TTLL11: variants seen among roughly 807,000 people sequenced by gnomAD.
The protein encoded by TTLL11 is tubulin tyrosine ligase like 11, also known as tubulin polyglutamylase TTLL11.
In TTLL11, 42 loss-of-function variants were observed where a neutral mutation model predicts 51.7. The ratio of observed to expected loss-of-function variants is 0.81; its 90% CI spans 0.64 to 1.05. The LOEUF is 1.05. Among genes scored for constraint, TTLL11 ranks in the 50% least tolerant of loss-of-function variants. TTLL11 has a pLI of 0.00. For missense variants in TTLL11, 799 were observed against 940.4 expected, an observed-to-expected ratio of 0.85 and a Z score of 1.97; for synonymous variants, 381 against 383.5, an observed-to-expected ratio of 0.99 and a Z score of 0.08.
At chr9:122,032,560 G>A (rs1452529474) in intron 2 of TTLL11, among the ~76,000 whole-genome samples, 4 of 151,608 alleles carry the variant, frequency 2.6e-5, no homozygotes, top group African/African-American at 4.8e-5. Context: ...AAGAATGGTG[G>A]GGGTGTGAAC....
At chr9:121,826,563 A>ATATATATATATATGTG (rs1836809312) in intron 8 of TTLL11, among the ~76,000 whole-genome samples, 1 of 107,660 alleles carries the variant, frequency 9.3e-6, no homozygotes, top group Non-Finnish European at 1.8e-5. Context: ...GTGTGTATAT[A>ATATATATATATATGTG]TATATATATA....
intron 3 of TTLL11, among the ~76,000 whole-genome samples, chr9:122,027,947 T>C (rs1049729750): frequency 6.6e-6 from 1 of 152,228 alleles, no homozygotes; most frequent in Non-Finnish European, 1.5e-5. Flanking sequence ...GTGTGGTTTA[T>C]AATATTGTTA....
chr9:122,077,118 C>A (rs1184476308), intron 1 of TTLL11, among the ~76,000 whole-genome samples: 1 of 151,892 alleles, frequency 6.6e-6, no homozygotes, highest in Non-Finnish European at 1.5e-5. Context: ...TAATTTTGGA[C>A]AAATAAAAAC....
At chr9:122,053,875 G>A (rs1461969867) in intron 1 of TTLL11, among the ~76,000 whole-genome samples, 3 of 152,114 alleles carry the variant, frequency 2.0e-5, no homozygotes, top group Non-Finnish European at 2.9e-5. Flanking sequence ...GATAACTAGC[G>A]CTCTGAAGAG....
chr9:121,999,750 G>A (rs975414891), intron 3 of TTLL11, among the ~76,000 whole-genome samples: 5 of 152,156 alleles, frequency 3.3e-5, no homozygotes, highest in Admixed American at 1.3e-4. Flanking sequence ...ACACGTGCGC[G>A]TGCACACATT....
intron 8 of TTLL11, among the ~76,000 whole-genome samples, chr9:121,847,098 T>TA (rs1837538100): frequency 6.6e-6 from 1 of 151,384 alleles, no homozygotes; most frequent in Non-Finnish European, 1.5e-5. Flanking sequence ...TAGTCCCAGC[T>TA]ACTCGGGAGG....
chr9:121,848,938 C>T (rs536427498), intron 8 of TTLL11, among the ~76,000 whole-genome samples: 1 of 152,242 alleles, frequency 6.6e-6, no homozygotes, highest in Non-Finnish European at 1.5e-5. Flanking sequence ...GAATAGCAAA[C>T]ATAACACTGA....
rs1007633355 is a variant in TTLL11 at position 121,820,438 on chromosome 9, A to C, written c.*2149T>G. ...TGCCAAAGGGGACTGGGAGAGCTGCATGGGGGCTTCAAACATTGTTTCTCA... is the reference window on the plus strand; with the variant it reads ...TGCCAAAGGGGACTGGGAGAGCTGCCTGGGGGCTTCAAACATTGTTTCTCA... On this transcript the variant is annotated 3_prime_UTR_variant, in exon 9 of 9. Coordinates refer to ENST00000321582, the MANE Select transcript of TTLL11 (RefSeq NM_001139442.2). Among the ~76,000 whole-genome samples the C allele has an allele frequency of 6.6e-6, 1 of 152,140 alleles. No individual in the cohort carries two copies. The highest frequency in any genetic ancestry group is 1.5e-5 in the Non-Finnish European group (1 of 68,026).
chr9:122,084,980 C>A (rs982046544), intron 1 of TTLL11, among the ~76,000 whole-genome samples: 1 of 152,178 alleles, frequency 6.6e-6, no homozygotes, highest in Non-Finnish European at 1.5e-5. Context: ...ATGAGACAGG[C>A]CAGGCGCGGT....
chr9:122,080,553 C>T (rs1845978961), intron 1 of TTLL11, among the ~76,000 whole-genome samples: 2 of 151,838 alleles, frequency 1.3e-5, no homozygotes, highest in South Asian at 2.1e-4. Flanking sequence ...AATTAGCTGG[C>T]ATGGGGGCGC....
chr9:121,870,645 A>G lies in TTLL11; in HGVS notation c.1585T>C (p.Ser529Pro), dbSNP rs547670676. 11 of 1,551,736 alleles carry G rather than the reference A, an allele frequency of 7.1e-6. No homozygotes were observed. The Admixed American group carries it at 9.8e-5, about 14-fold the overall frequency. ...CNANPEAHLP[S>P]ICLKQVFPKY... The stretch of plus-strand genomic sequence containing the variant: ...GGGAACACCTGCTTGAGGCAAATGG[A>G]AGGCAGGTGGGCTTCGGGGTTGGCG... The change falls in exon 7 of 9, where the codon TCC (serine) becomes CCC (proline). Residue 529 changes from serine (S) to proline (P), a missense_variant. By Grantham distance (74) the Ser-to-Pro change is moderately conservative. Coordinates refer to ENST00000321582, the MANE Select transcript of TTLL11 (RefSeq NM_001139442.2).
In TTLL11 at chr9:121,933,132, T is replaced by C. The variant is rs1397263765; in HGVS notation, c.1481+40877A>G. ...AGTAGAGGAGGTGAAACTTGTAAAA[T>C]AGGTACAAAGGGGAAATGATCAAGG... On this transcript the variant is annotated intron_variant, in intron 6 of 8. Transcript: ENST00000321582. 2.6e-5 allele frequency among the ~76,000 whole-genome samples: 4 copies of C among 152,068 alleles called. No homozygotes were observed. In the South Asian group the frequency reaches 6.2e-4, roughly 24 times the overall value.
Position 121,896,014 on chromosome 9 carries a change from TTG to T in TTLL11, c.1482-25268_1482-25267del, listed in dbSNP as rs537974073. Reference sequence around the variant, plus strand: ...GTTTTGTGTGAGTGTGTATGTGTGGTTGTGTGTGTGTATGAATGTGTGGTTGT... The same window carrying T: ...GTTTTGTGTGAGTGTGTATGTGTGGTTGTGTGTGTATGAATGTGTGGTTGT... On this transcript the variant is annotated intron_variant, in intron 6 of 8. Transcript: ENST00000321582. Among the ~76,000 whole-genome samples, 294 of 100,038 alleles carry T rather than the reference TTG, an allele frequency of 2.9e-3. 1 individual carries two copies. The highest frequency in any genetic ancestry group is 0.017 in the Middle Eastern group (3 of 180). 65.6% of individuals were successfully genotyped at this position (100,038 alleles called of 152,430 possible). A position where few individuals can be genotyped will look rare whatever the true frequency, so the allele number is the denominator to read the frequency against.
chr9:121,862,202 G>C (rs1456135382), intron 7 of TTLL11, among the ~76,000 whole-genome samples: 6 of 151,682 alleles, frequency 4.0e-5, no homozygotes, highest in Non-Finnish European at 7.4e-5. Context: ...CTGGAAATGT[G>C]GAGGGGAGGG....
chr9:122,066,214 A>AGTGGTG (rs10618618), intron 1 of TTLL11, among the ~76,000 whole-genome samples: 5 of 140,520 alleles, frequency 3.6e-5, no homozygotes, highest in African/African-American at 1.4e-4. Flanking sequence ...TGTTGTTGTT[A>AGTGGTG]GTGGTGGTGG....
chr9:121,855,959 T>C (rs1401941023), intron 8 of TTLL11, among the ~76,000 whole-genome samples: 2 of 152,192 alleles, frequency 1.3e-5, no homozygotes, highest in Non-Finnish European at 2.9e-5. Flanking sequence ...TCATATACTA[T>C]TGCAATCGTC....
intron 4 of TTLL11, among the ~76,000 whole-genome samples, chr9:121,986,853 T>A (rs946421502): frequency 2.0e-5 from 3 of 152,014 alleles, no homozygotes; most frequent in African/African-American, 7.3e-5. Context: ...ACCTGTCACC[T>A]GCTTGCCATA....
intron 3 of TTLL11, among the ~76,000 whole-genome samples, chr9:122,013,527 A>G (rs1201672101): frequency 6.6e-6 from 1 of 152,238 alleles, no homozygotes; most frequent in Non-Finnish European, 1.5e-5. Flanking sequence ...ACCTTGATAG[A>G]TATGAATCTT....
At chr9:121,981,859 C>T (rs553857542) in intron 4 of TTLL11, among the ~76,000 whole-genome samples, 7 of 152,220 alleles carry the variant, frequency 4.6e-5, no homozygotes, top group Admixed American at 2.0e-4. Context: ...AGACTCTTCA[C>T]TCTGTTCGGG....
Sources: gnomAD v4.1 joint callset for allele counts (sites outside exome capture counted in the v4.1 genomes callset) on GRCh38, gnomAD v4.1.1 for gene constraint, MANE v1.5 for transcripts, NCBI Gene and HGNC (gene_info 2026-07-23, HGNC 2026-07-21) for gene names.